The following TYW1 variants were observed in gnomAD, a reference collection of about 807,000 sequenced individuals.
The protein encoded by TYW1 is tRNA-yW synthesizing protein 1 homolog.
TYW1 carries 46 observed loss-of-function variants against 96.2 expected under a neutral mutation model. That is an observed-to-expected ratio of 0.48 (90% CI 0.38 to 0.61). The LOEUF (loss-of-function observed/expected upper bound fraction) is 0.61, where lower values mean the gene tolerates loss of function less well. TYW1 is among the 20% of genes least tolerant of loss of function. The probability of loss-of-function intolerance (pLI) is 0.00; values close to 1 mark genes in which losing one functional copy is unlikely to be tolerated. For synonymous variants in TYW1, 274 were observed against 323.0 expected (o/e 0.85, Z 1.63); for missense variants, 684 against 909.6 (o/e 0.75, Z 3.19).
chr7:67,234,348 TA>T (rs57100190), intron 15 of TYW1, among the ~76,000 whole-genome samples: 1,267 of 93,312 alleles, frequency 0.014, 16 homozygotes, highest in African/African-American at 0.033. Context: ...ACCTATCTCT[TA>T]AAAAAAAAAA....
chr7:67,125,802 A>G (rs1049281109), intron 13 of TYW1, among the ~76,000 whole-genome samples: 2 of 152,176 alleles, frequency 1.3e-5, no homozygotes, highest in African/African-American at 2.4e-5. Flanking sequence ...CCAGAATGTC[A>G]TATAGTTGGA....
intron 13 of TYW1, among the ~76,000 whole-genome samples, chr7:67,135,941 TAAAC>T (rs950466283): frequency 9.9e-5 from 15 of 152,236 alleles, no homozygotes; most frequent in Non-Finnish European, 2.9e-5. Flanking sequence ...TAACATCTGT[TAAAC>T]AACCTCTTAC....
At chr7:67,098,321 T>C (rs1477176677) in intron 11 of TYW1, among the ~76,000 whole-genome samples, 3 of 152,262 alleles carry the variant, frequency 2.0e-5, no homozygotes, top group Non-Finnish European at 4.4e-5. Context: ...CCTGTTTGTA[T>C]TGATGTAGTT....
chr7:67,040,843 C>CA (rs112135929), intron 7 of TYW1, among the ~76,000 whole-genome samples: 6,108 of 139,292 alleles, frequency 0.044, 184 homozygotes, highest in Middle Eastern at 0.11. Context: ...GACCCTATCT[C>CA]AAAAAAAAAA....
In TYW1 at chr7:66,998,090, C is replaced by T. The variant is rs1397477957; in HGVS notation, c.30C>T (p.Leu10=). MDPSADTWD[L]FSPLISLWIN... Reference sequence around the variant, plus strand: ...ATCCTTCTGCGGATACATGGGACCTCTTCTCACCTTTAATATCATTATGGA... The same window carrying T: ...ATCCTTCTGCGGATACATGGGACCTTTTCTCACCTTTAATATCATTATGGA... The change falls in exon 2 of 16, where the codon CTC becomes CTT. Residue 10 remains leucine (L), a synonymous_variant. Coordinates refer to ENST00000359626, the MANE Select transcript of TYW1 (RefSeq NM_018264.4). 5.6e-6 allele frequency: 9 copies of T among 1,608,160 alleles called. No homozygotes were observed. The highest frequency in any genetic ancestry group is 4.0e-5 in the African/African-American group (3 of 74,518).
At chr7:67,212,826 G>A (rs1267354394) in intron 15 of TYW1, among the ~76,000 whole-genome samples, 1 of 152,088 alleles carries the variant, frequency 6.6e-6, no homozygotes. Flanking sequence ...TGATGTGTCT[G>A]CTCAGATCTT....
At chr7:67,230,703 A>G (rs1427391031) in intron 15 of TYW1, among the ~76,000 whole-genome samples, 2 of 131,692 alleles carry the variant, frequency 1.5e-5, no homozygotes, top group Non-Finnish European at 3.1e-5. Flanking sequence ...CCCAGGCTGG[A>G]GTGCAGTGGC....
chr7:67,213,940 G>T lies in TYW1; in HGVS notation c.1977+18603G>T, dbSNP rs545491095. On this transcript the variant is annotated intron_variant, in intron 15 of 15. Transcript: ENST00000359626. ...TAACTTTATAGTAAGTTTTGAAGCT[G>T]AGTAGTGTCACTCTTCTAACTTGTT... Among the ~76,000 whole-genome samples the T allele has an allele frequency of 2.0e-5, 3 of 152,120 alleles. No individual in the cohort carries two copies. In the East Asian group the frequency reaches 5.8e-4, roughly 29 times the overall value.
intron 3 of TYW1, among the ~76,000 whole-genome samples, chr7:67,000,875 G>A (rs1179644205): frequency 6.6e-6 from 1 of 152,046 alleles, no homozygotes; most frequent in Non-Finnish European, 1.5e-5. Context: ...TGGAAGTTGC[G>A]CAGAATAGTA....
chr7:67,139,503 C>T (rs28593762), intron 13 of TYW1, among the ~76,000 whole-genome samples: 22,143 of 152,082 alleles, frequency 0.15, 2,311 homozygotes, highest in African/African-American at 0.29. Flanking sequence ...CTGTCAGTAT[C>T]TGCAGGGGAT....
intron 4 of TYW1, among the ~76,000 whole-genome samples, chr7:67,013,638 T>A (rs1287021746): frequency 6.6e-6 from 1 of 152,054 alleles, no homozygotes; most frequent in Non-Finnish European, 1.5e-5. Context: ...GAACATGAGC[T>A]GTTGTTTTCT....
chr7:67,089,873 A>G (rs1213457652), intron 11 of TYW1, among the ~76,000 whole-genome samples: 5 of 152,170 alleles, frequency 3.3e-5, no homozygotes, highest in African/African-American at 1.2e-4. Context: ...GCGTCTATTC[A>G]AAATGCTGCC....
chr7:67,135,899 T>C (rs1798239164), intron 13 of TYW1, among the ~76,000 whole-genome samples: 1 of 152,186 alleles, frequency 6.6e-6, no homozygotes, highest in African/African-American at 2.4e-5. Flanking sequence ...TTATCATAAG[T>C]TCTTTTATTT....
chr7:67,016,051 G>A (rs1005306438), intron 5 of TYW1, among the ~76,000 whole-genome samples: 1 of 151,594 alleles, frequency 6.6e-6, no homozygotes, highest in African/African-American at 2.4e-5. Flanking sequence ...AAATTTTTTG[G>A]TTAGTTTTCC....
At chr7:67,145,722 T>A (rs1469583665) in intron 13 of TYW1, among the ~76,000 whole-genome samples, 1 of 152,022 alleles carries the variant, frequency 6.6e-6, no homozygotes, top group East Asian at 1.9e-4. Flanking sequence ...TTTTTCAAAT[T>A]TATAGTATTT....
intron 14 of TYW1, among the ~76,000 whole-genome samples, chr7:67,188,810 C>T (rs1233248161): frequency 1.3e-5 from 2 of 152,000 alleles, no homozygotes; most frequent in Non-Finnish European, 2.9e-5. Context: ...TACAAATTGG[C>T]CCTAGATTCA....
chr7:67,179,453 C>T (rs1799771615), intron 13 of TYW1, among the ~76,000 whole-genome samples: 1 of 135,376 alleles, frequency 7.4e-6, no homozygotes, highest in Non-Finnish European at 1.6e-5. Flanking sequence ...CACACCCCAG[C>T]TTTGCTGCTC....
At chr7:67,046,333 G>A (rs1795186390) in intron 7 of TYW1, among the ~76,000 whole-genome samples, 1 of 152,068 alleles carries the variant, frequency 6.6e-6, no homozygotes, top group African/African-American at 2.4e-5. Flanking sequence ...TGGGCACACT[G>A]GGTTCATCTG....
rs755471038 is a variant in TYW1 at position 67,050,052 on chromosome 7, C to G, written c.1088C>G (p.Ala363Gly). ...RAMITPALREALTKQGYQLIG... is the reference protein window; with the variant it reads ...RAMITPALREGLTKQGYQLIG... ...ATGATAACTCCTGCTCTCCGAGAAG[C>G]CCTTACTAAACAAGGTGAAAATCTT... The change falls in exon 8 of 16, where the codon GCC becomes GGC. Residue 363 changes from alanine (A) to glycine (G), a missense_variant. Transcript: ENST00000359626. The G allele has an allele frequency of 3.1e-6, 5 of 1,613,362 alleles. No individual in the cohort carries two copies. The highest frequency in any genetic ancestry group is 2.2e-5 in the South Asian group (2 of 91,050).
Sources: allele counts gnomAD v4.1 joint callset (sites outside exome capture counted in the v4.1 genomes callset), GRCh38; gene constraint gnomAD v4.1.1; transcripts MANE v1.5; gene names NCBI Gene and HGNC (gene_info 2026-07-23, HGNC 2026-07-21).